SLC2A3: variants seen among roughly 807,000 people sequenced by gnomAD.
The protein encoded by SLC2A3 is solute carrier family 2 member 3, also known as solute carrier family 2, facilitated glucose transporter member 3.
SLC2A3 carries 21 observed loss-of-function variants against 46.4 expected under a neutral mutation model. The ratio of observed to expected loss-of-function variants is 0.45; its 90% CI spans 0.32 to 0.65. The LOEUF (loss-of-function observed/expected upper bound fraction) is 0.65. Among genes scored for constraint, SLC2A3 ranks in the 30% least tolerant of loss-of-function variants. The pLI, the probability that SLC2A3 is intolerant of heterozygous loss-of-function variation, is 0.04. For synonymous variants in SLC2A3, 213 were observed against 239.4 expected (o/e 0.89, Z 1.02); for missense variants, 499 against 623.3 (o/e 0.80, Z 2.12).
intron 3 of SLC2A3, 37 bp from the exon 4 acceptor site, chr12:7,931,522 A>G: frequency 6.2e-7 from 1 of 1,612,422 alleles, no homozygotes; most frequent in Non-Finnish European, 8.5e-7. Context: ...GAATTAGCAA[A>G]GTGAGAGGCT....
Position 7,930,765 on chromosome 12 carries a change from T to TTTCTTTTC in SLC2A3, c.511-131_511-124dup, listed in dbSNP as rs1324124370. The TTTCTTTTC allele has an allele frequency of 1.8e-4, 204 of 1,122,484 alleles. No individual in the cohort carries two copies. The African/African-American group carries it at 3.0e-3, about 17-fold the overall frequency. 69.5% of individuals were successfully genotyped at this position (1,122,484 alleles called of 1,614,324 possible). ...CATGTGAAAAAATAAACAAATTGTG[T>TTTCTTTTC]TTCTTTTCCTTTCTCTACTCAGCAT... On this transcript the variant is annotated intron_variant, in intron 4 of 9. Coordinates refer to ENST00000075120, the MANE Select transcript of SLC2A3 (RefSeq NM_006931.3).
At chr12:7,926,925 C>T (rs1462344762) in intron 6 of SLC2A3, among the ~76,000 whole-genome samples, 3 of 151,992 alleles carry the variant, frequency 2.0e-5, no homozygotes, top group African/African-American at 7.2e-5. Flanking sequence ...GCTATAACTA[C>T]CATAGTTAAG....
At chr12:7,922,774 A>C in intron 9 of SLC2A3, 47 bp downstream of exon 9, 2 of 1,611,912 alleles carry the variant, frequency 1.2e-6, no homozygotes, top group Non-Finnish European at 8.5e-7. Flanking sequence ...GAGTATCTTC[A>C]TGTCAGCTTA....
At chr12:7,933,271 C>A (rs1008972252) in intron 2 of SLC2A3, 124 bp from the exon 3 acceptor site, 5 of 1,056,594 alleles carry the variant, frequency 4.7e-6, no homozygotes, top group South Asian at 1.6e-5. Flanking sequence ...ATGGAAGGGG[C>A]AGATAACGTA....
Position 7,925,886 on chromosome 12 carries a change from G to C in SLC2A3, c.924C>G (p.Thr308=). The C allele has an allele frequency of 6.2e-7, 1 of 1,613,796 alleles. No individual in the cohort carries two copies. The highest frequency in any genetic ancestry group is 1.3e-5 in the African/African-American group (1 of 75,022). The change falls in exon 7 of 10, where the codon ACC becomes ACG. Residue 308 remains threonine, a synonymous_variant. Transcript: ENST00000075120. ...DAGVQEPIYA[T]IGAGVVNTIF... ...TAGTATTAACCACACCCGCGCCGAT[G>C]GTGGCATAGATGGGCTCTTGAACAC...
At position 7,921,442 on chromosome 12, in the gene SLC2A3, G is replaced by A; in HGVS notation, c.1462C>T (p.Pro488Ser). Residue 488 changes from proline to serine, a missense_variant, in exon 10 of 10, where the codon CCT (proline) becomes TCT (serine). Physicochemically the swap from Pro to Ser is moderately conservative, Grantham distance 74. Around this residue, in one of 5 missense-constraint regions of SLC2A3, gnomAD observed 179 missense variants for 205.1 expected, o/e 0.87. Transcript: ENST00000075120. ...ACATTGGTGGTGGTCTCCTTAGCAGGCTCGATGCTGTTCATCTCCATGACG... is the reference window on the plus strand; with the variant it reads ...ACATTGGTGGTGGTCTCCTTAGCAGACTCGATGCTGTTCATCTCCATGACG... ...DGVMEMNSIEPAKETTTNV is the reference protein window; with the variant it reads ...DGVMEMNSIESAKETTTNV The A allele has an allele frequency of 6.2e-7, 1 of 1,613,990 alleles. No homozygotes were observed. Among genetic ancestry groups the A allele is most frequent in the Non-Finnish European group, 8.5e-7 (1 of 1,179,902 alleles).
intron 7 of SLC2A3, 159 bp downstream of exon 7, chr12:7,925,685 G>C: frequency 3.3e-6 from 2 of 613,912 alleles, no homozygotes; most frequent in South Asian, 3.9e-5. Context: ...TGCTTGAAGA[G>C]TGAAGACTAC....
intron 1 of SLC2A3, among the ~76,000 whole-genome samples, chr12:7,935,615 G>C (rs568256504): frequency 4.6e-5 from 7 of 152,146 alleles, no homozygotes; most frequent in Non-Finnish European, 8.8e-5. Context: ...CAGATGGCCA[G>C]ACCCTGGCCT....
chr12:7,921,474 T>C lies in SLC2A3; in HGVS notation c.1430A>G (p.Lys477Arg). The C allele has an allele frequency of 6.2e-7, 1 of 1,613,972 alleles. No individual in the cohort carries two copies. The highest frequency in any genetic ancestry group is 8.5e-7 in the Non-Finnish European group (1 of 1,179,870). Residue 477 changes from lysine (K) to arginine (R), a missense_variant, in exon 10 of 10, where the codon AAG becomes AGG. Transcript: ENST00000075120. ...GQAHGADRSG[K>R]DGVMEMNSIE... is the part of the protein sequence containing the mutation. The stretch of plus-strand genomic sequence containing the variant: ...GCTGTTCATCTCCATGACGCCGTCC[T>C]TTCCAGATCTATCTGCACCGTGTGC...
chr12:7,935,407 G>A (rs1000150317), intron 1 of SLC2A3, among the ~76,000 whole-genome samples: 5 of 152,058 alleles, frequency 3.3e-5, no homozygotes, highest in African/African-American at 7.2e-5. Context: ...AGCTGCGGTC[G>A]CTCCATTGCA....
chr12:7,934,462 G>C (rs1026836973), intron 1 of SLC2A3, among the ~76,000 whole-genome samples: 1 of 151,736 alleles, frequency 6.6e-6, no homozygotes, highest in African/African-American at 2.4e-5. Flanking sequence ...TTCAGTCTTC[G>C]TTTATTAAAT....
intron 1 of SLC2A3, among the ~76,000 whole-genome samples, chr12:7,934,703 C>A (rs188827414): frequency 6.6e-6 from 1 of 152,074 alleles, no homozygotes; most frequent in African/African-American, 2.4e-5. Context: ...ACCCCACCAC[C>A]CAAAATCCCT....
At chr12:7,932,898 G>A in intron 3 of SLC2A3, 89 bp downstream of exon 3, 2 of 1,537,778 alleles carry the variant, frequency 1.3e-6, no homozygotes, top group South Asian at 1.2e-5. Flanking sequence ...CTTATTCAAA[G>A]GCATCATCAC....
intron 6 of SLC2A3, among the ~76,000 whole-genome samples, chr12:7,928,046 T>G (rs1946113366): frequency 6.6e-6 from 1 of 151,320 alleles, no homozygotes; most frequent in Non-Finnish European, 1.5e-5. Flanking sequence ...ATGGAGGTTG[T>G]GGTGAGCTGA....
chr12:7,932,824 A>C, intron 3 of SLC2A3, 163 bp downstream of exon 3: 1 of 1,028,254 alleles, frequency 9.7e-7, no homozygotes, highest in Non-Finnish European at 1.4e-6. Flanking sequence ...TAGAGCTCCA[A>C]GCAAGGGCAG....
chr12:7,934,939 G>A (rs1050420421), intron 1 of SLC2A3, among the ~76,000 whole-genome samples: 1 of 152,102 alleles, frequency 6.6e-6, no homozygotes, highest in Admixed American at 6.6e-5. Context: ...ATCTTTGAGA[G>A]CCTTTTCTTC....
Position 7,933,097 on chromosome 12 carries a change from T to A in SLC2A3, c.159A>T (p.Pro53=), listed in dbSNP as rs751281784. The change falls in exon 3 of 10, where the codon CCA becomes CCT. Residue 53 remains proline, a synonymous_variant. Transcript: ENST00000075120. The part of the protein sequence containing the change: ...NKTLTDKGNA[P]PSEVLLTSLW... ...GAGACGTGAGCAGCACCTCAGAGGG[T>A]GGGGCATTTCCCTTGTCCGTCAAAG... 1.0e-4 allele frequency: 166 copies of A among 1,613,916 alleles called. No individual in the cohort carries two copies. In the Middle Eastern group the frequency reaches 1.2e-3, roughly 11 times the overall value.
rs1395323782 is a variant in SLC2A3, at chr12:7,921,373, G to A, written c.*40C>T. 1 of 1,613,766 alleles carries A rather than the reference G, an allele frequency of 6.2e-7. No homozygotes were observed. The highest frequency in any genetic ancestry group is 1.1e-5 in the South Asian group (1 of 91,080). On this transcript the variant is annotated 3_prime_UTR_variant, in exon 10 of 10. Coordinates refer to ENST00000075120, the MANE Select transcript of SLC2A3 (RefSeq NM_006931.3). ...GTCTCTCCCTTGTTGAGGGAGAGGT[G>A]GCTTTCCCATGCCGGGAGGGAGGTG... is the stretch of plus-strand genomic sequence containing the variant.
intron 6 of SLC2A3, 143 bp downstream of exon 6, chr12:7,929,541 T>C (rs1946130537): frequency 1.6e-6 from 2 of 1,257,352 alleles, no homozygotes; most frequent in Non-Finnish European, 2.2e-6. Flanking sequence ...TATAGCTCAC[T>C]GCAACCTGAA....
Sources: gnomAD v4.1 joint callset for allele counts (sites outside exome capture counted in the v4.1 genomes callset) on GRCh38, gnomAD v4.1.1 for gene constraint, gnomAD v4.1.1 regional missense constraint, MANE v1.5 for transcripts, NCBI Gene and HGNC (gene_info 2026-07-23, HGNC 2026-07-21) for gene names.